The following APBA2 variants were observed in gnomAD, a reference collection of about 807,000 sequenced individuals.
APBA2 encodes amyloid-beta A4 precursor protein-binding family A member 2.
APBA2 carries 30 observed loss-of-function variants against 75.0 expected under a neutral mutation model. The observed-to-expected ratio is 0.40, with a 90% CI of 0.30 to 0.54. The LOEUF is 0.54. Ranked by LOEUF, APBA2 falls within the 20% of genes least tolerant of loss-of-function variation. The pLI, the probability that APBA2 is intolerant of heterozygous loss-of-function variation, is 0.49. For synonymous variants in APBA2, 444 were observed against 409.6 expected (o/e 1.08, Z -1.01); for missense variants, 801 against 1,016.1 (o/e 0.79, Z 2.88).
chr15:28,964,417 G>T (rs11858563), intron 2 of APBA2, among the ~76,000 whole-genome samples: 1 of 151,670 alleles, frequency 6.6e-6, no homozygotes, highest in Non-Finnish European at 1.5e-5. Flanking sequence ...ATAATGTTGG[G>T]GATCTTTTCA....
chr15:28,959,783 G>A (rs2036367344), intron 2 of APBA2, among the ~76,000 whole-genome samples: 1 of 152,182 alleles, frequency 6.6e-6, no homozygotes, highest in Non-Finnish European at 1.5e-5. Context: ...GAACTAGGCA[G>A]CACCTGCCCT....
chr15:29,036,538 G>A (rs1482778284), intron 3 of APBA2, among the ~76,000 whole-genome samples: 1 of 152,140 alleles, frequency 6.6e-6, no homozygotes, highest in Non-Finnish European at 1.5e-5. Context: ...CCCAGCAAGC[G>A]ATATGGGGCC....
chr15:28,940,158 T>C (rs1291159907), intron 2 of APBA2, among the ~76,000 whole-genome samples: 1 of 151,804 alleles, frequency 6.6e-6, no homozygotes, highest in Admixed American at 6.6e-5. Flanking sequence ...CTGAGGACCT[T>C]GACCAGGATT....
intron 2 of APBA2, among the ~76,000 whole-genome samples, chr15:28,973,472 G>GATTAATAC (rs2037176438): frequency 1.3e-5 from 2 of 152,252 alleles, no homozygotes; most frequent in South Asian, 4.1e-4. Context: ...TGGTTATTAT[G>GATTAATAC]TGATAATTAC....
chr15:29,116,353 G>A (rs368898678), intron 14 of APBA2, among the ~76,000 whole-genome samples: 93 of 152,206 alleles, frequency 6.1e-4, no homozygotes, highest in African/African-American at 2.0e-3. Context: ...TAGGCCGGGC[G>A]CGGTGGCTCA....
intron 2 of APBA2, among the ~76,000 whole-genome samples, chr15:28,968,067 C>T (rs1442955490): frequency 6.6e-6 from 1 of 152,256 alleles, no homozygotes; most frequent in Admixed American, 6.5e-5. Flanking sequence ...TGACTGACTT[C>T]TTTCCCTTAG....
Position 29,052,994 on chromosome 15 carries a change from C to T in APBA2, c.-40-851C>T, listed in dbSNP as rs144320912. On this transcript the variant is annotated intron_variant, in intron 3 of 14. Coordinates refer to ENST00000683413, the MANE Select transcript of APBA2 (RefSeq NM_001353788.2). ...CTTTCAAAGGTCCCACCTCTCAACACTGTTGCATTAGGGATTAAGTCTCCA... is the reference window on the plus strand; with the variant it reads ...CTTTCAAAGGTCCCACCTCTCAACATTGTTGCATTAGGGATTAAGTCTCCA... Among the ~76,000 whole-genome samples the T allele has an allele frequency of 2.0e-5, 3 of 152,320 alleles. No homozygotes were observed. The East Asian group carries it at 5.8e-4, about 29-fold the overall frequency.
intron 1 of APBA2, among the ~76,000 whole-genome samples, chr15:28,909,700 C>T (rs968939213): frequency 6.6e-6 from 1 of 152,170 alleles, no homozygotes; most frequent in Non-Finnish European, 1.5e-5. Flanking sequence ...GAGCAGGAGC[C>T]AGTTCCTGCC....
intron 4 of APBA2, among the ~76,000 whole-genome samples, chr15:29,065,719 A>G (rs759625391): frequency 1.2e-4 from 19 of 152,238 alleles, no homozygotes; most frequent in Non-Finnish European, 8.8e-5. Context: ...GCCAAGACCC[A>G]AAGTGCTGGA....
chr15:28,995,113 C>A (rs1439402816), intron 2 of APBA2, among the ~76,000 whole-genome samples: 1 of 152,296 alleles, frequency 6.6e-6, no homozygotes, highest in African/African-American at 2.4e-5. Context: ...AATTCCTGAT[C>A]CAACCCAAGG....
intron 2 of APBA2, among the ~76,000 whole-genome samples, chr15:28,942,797 G>C (rs913321842): frequency 2.0e-5 from 3 of 152,212 alleles, no homozygotes; most frequent in African/African-American, 7.2e-5. Context: ...ATGCCCAGTT[G>C]TGTGGCTGCC....
intron 1 of APBA2, among the ~76,000 whole-genome samples, chr15:28,907,514 G>C (rs1202367311): frequency 6.6e-6 from 1 of 152,164 alleles, no homozygotes. Flanking sequence ...CAGAGCAGCT[G>C]TCCGTGGGCT....
In APBA2 at chr15:28,991,497, C is replaced by A. The variant is rs566405834; in HGVS notation, c.-94-4256C>A. On this transcript the variant is annotated intron_variant, in intron 2 of 14. Transcript: ENST00000683413. The surrounding 1 kb of genome is among the most constrained non-coding windows in gnomAD (Gnocchi z 4.7). ...CAGCTGCCCGGCCCCACTGTGAGGCCGCCCCTTGCAGGTGAGTTCACTGGC... is the reference window on the plus strand; with the variant it reads ...CAGCTGCCCGGCCCCACTGTGAGGCAGCCCCTTGCAGGTGAGTTCACTGGC... Among the ~76,000 whole-genome samples the A allele has an allele frequency of 6.6e-6, 1 of 152,216 alleles. No homozygotes were observed. Among genetic ancestry groups the A allele is most frequent in the Non-Finnish European group, 1.5e-5 (1 of 68,036 alleles).
intron 6 of APBA2, among the ~76,000 whole-genome samples, chr15:29,088,490 G>A (rs927918946): frequency 6.6e-6 from 1 of 152,142 alleles, no homozygotes; most frequent in African/African-American, 2.4e-5. Context: ...ATCGAGCTCT[G>A]CAACCATTGT....
intron 3 of APBA2, among the ~76,000 whole-genome samples, chr15:29,052,053 G>T (rs1183208357): frequency 6.6e-6 from 1 of 152,050 alleles, no homozygotes; most frequent in Non-Finnish European, 1.5e-5. Flanking sequence ...TGGACTACTG[G>T]AATATGTTTT....
chr15:28,969,339 C>A (rs2152749538), intron 2 of APBA2, among the ~76,000 whole-genome samples: 1 of 152,056 alleles, frequency 6.6e-6, no homozygotes, highest in Middle Eastern at 3.4e-3. Context: ...CACCACCAAG[C>A]CTGGCTAATT....
At chr15:29,002,177 T>A (rs2038883330) in intron 3 of APBA2, among the ~76,000 whole-genome samples, 1 of 152,228 alleles carries the variant, frequency 6.6e-6, no homozygotes, top group Non-Finnish European at 1.5e-5. Context: ...AGACTTACTT[T>A]TACCATGTGT....
At chr15:28,886,500 T>A in intron 1 of APBA2, among the ~76,000 whole-genome samples, 1 of 89,988 alleles carries the variant, frequency 1.1e-5, no homozygotes, top group East Asian at 3.5e-4. Flanking sequence ...CGCTTCCCCC[T>A]CCCACGACGG....
intron 2 of APBA2, among the ~76,000 whole-genome samples, chr15:28,971,316 A>T (rs1354515904): frequency 6.6e-6 from 1 of 152,022 alleles, no homozygotes; most frequent in East Asian, 1.9e-4. Flanking sequence ...GTTAATCAGG[A>T]GGAAAATATA....
Sources: allele counts gnomAD v4.1 joint callset (sites outside exome capture counted in the v4.1 genomes callset), GRCh38; gene constraint gnomAD v4.1.1; non-coding constraint Gnocchi (gnomAD v3.1); transcripts MANE v1.5; gene names NCBI Gene and HGNC (gene_info 2026-07-23, HGNC 2026-07-21).